The following HIVEP3 variants were observed in gnomAD, a reference collection of about 807,000 sequenced individuals.
HIVEP3 encodes HIVEP zinc finger 3.
HIVEP3 carries 49 observed loss-of-function variants against 152.8 expected under a neutral mutation model. The observed-to-expected ratio is 0.32, with a 90% CI of 0.26 to 0.41. The LOEUF (loss-of-function observed/expected upper bound fraction) is 0.41. Among genes scored for constraint, HIVEP3 ranks in the 10% least tolerant of loss-of-function variants. The pLI, the probability that HIVEP3 is intolerant of heterozygous loss-of-function variation, is 1.00. For synonymous variants in HIVEP3, 1,269 were observed against 1,289.0 expected (o/e 0.98, Z 0.33); for missense variants, 2,790 against 3,103.3 (o/e 0.90, Z 2.40).
intron 1 of HIVEP3, among the ~76,000 whole-genome samples, chr1:41,868,714 C>T (rs1644027190): frequency 6.6e-6 from 1 of 152,210 alleles, no homozygotes; most frequent in Non-Finnish European, 1.5e-5. Context: ...CATGGGCTTG[C>T]TCAGCAGAGG....
chr1:41,933,882 C>T (rs750478295), intron 1 of HIVEP3, among the ~76,000 whole-genome samples: 111 of 152,046 alleles, frequency 7.3e-4, no homozygotes, highest in Non-Finnish European at 3.8e-4. Flanking sequence ...TGATCCCATC[C>T]CTCCCCTGCT....
At chr1:41,635,787 T>C (rs1378631148) in intron 2 of HIVEP3, among the ~76,000 whole-genome samples, 1 of 151,538 alleles carries the variant, frequency 6.6e-6, no homozygotes, top group Non-Finnish European at 1.5e-5. Flanking sequence ...GATGTAAACA[T>C]ATACGTGAAC....
At chr1:41,548,949 G>A (rs2149079563) in intron 5 of HIVEP3, among the ~76,000 whole-genome samples, 1 of 152,166 alleles carries the variant, frequency 6.6e-6, no homozygotes, top group Non-Finnish European at 1.5e-5. Context: ...GTATACATGT[G>A]CCATGCTGGT....
chr1:41,680,847 A>G (rs1646027553), intron 2 of HIVEP3, among the ~76,000 whole-genome samples: 1 of 152,232 alleles, frequency 6.6e-6, no homozygotes, highest in Admixed American at 6.5e-5. Flanking sequence ...GGTATATGGC[A>G]TATAAATCAA....
intron 2 of HIVEP3, among the ~76,000 whole-genome samples, chr1:41,689,809 CCTTT>C (rs1306875982): frequency 6.6e-6 from 1 of 152,242 alleles, no homozygotes; most frequent in Non-Finnish European, 1.5e-5. Flanking sequence ...TTGAATGGGA[CCTTT>C]CTTAGTCTTT....
At chr1:41,656,015 C>T (rs1645623858) in intron 2 of HIVEP3, among the ~76,000 whole-genome samples, 1 of 152,144 alleles carries the variant, frequency 6.6e-6, no homozygotes, top group African/African-American at 2.4e-5. Flanking sequence ...CCCTTTGGGT[C>T]TTCTTTAAGA....
chr1:41,991,958 CTA>C (rs1473082689), intron 1 of HIVEP3, among the ~76,000 whole-genome samples: 1 of 146,114 alleles, frequency 6.8e-6, no homozygotes, highest in Non-Finnish European at 1.5e-5. Flanking sequence ...ACCCTTCATG[CTA>C]AAAACTCTCA....
chr1:42,003,857 G>T (rs1044936236), intron 1 of HIVEP3, among the ~76,000 whole-genome samples: 4 of 151,866 alleles, frequency 2.6e-5, no homozygotes, highest in Non-Finnish European at 5.9e-5. Context: ...ACATGCCTCT[G>T]GGGGAGACAT....
At chr1:41,949,189 GC>G (rs1331724891) in intron 1 of HIVEP3, among the ~76,000 whole-genome samples, 1 of 152,070 alleles carries the variant, frequency 6.6e-6, no homozygotes, top group Non-Finnish European at 1.5e-5. Flanking sequence ...CATTCTTAGT[GC>G]CCCCTATGAC....
chr1:41,706,046 G>T (rs1164553185), intron 1 of HIVEP3, among the ~76,000 whole-genome samples: 1 of 152,170 alleles, frequency 6.6e-6, no homozygotes, highest in Non-Finnish European at 1.5e-5. Flanking sequence ...GAAAACTAGG[G>T]TACAGCTATA....
chr1:41,657,231 G>A (rs537897433), intron 2 of HIVEP3, among the ~76,000 whole-genome samples: 13 of 152,208 alleles, frequency 8.5e-5, no homozygotes, highest in South Asian at 4.1e-4. Context: ...CCCACACGGT[G>A]GCCTCAGGAG....
intron 1 of HIVEP3, among the ~76,000 whole-genome samples, chr1:41,840,088 G>A (rs1570644108): frequency 6.6e-6 from 1 of 152,090 alleles, no homozygotes; most frequent in South Asian, 2.1e-4. Flanking sequence ...CCTGAGCCTG[G>A]CTCTCGTCGC....
At chr1:41,947,742 C>A (rs553517623) in intron 1 of HIVEP3, among the ~76,000 whole-genome samples, 22 of 152,334 alleles carry the variant, frequency 1.4e-4, no homozygotes, top group Admixed American at 1.2e-3. Context: ...GAGCTTGCAA[C>A]CCATGGCATA....
At chr1:41,803,399 C>T (rs1039388456) in intron 1 of HIVEP3, among the ~76,000 whole-genome samples, 3 of 152,214 alleles carry the variant, frequency 2.0e-5, no homozygotes, top group South Asian at 4.1e-4. Flanking sequence ...CAAGGCCCCA[C>T]CTTCTCAGTC....
intron 1 of HIVEP3, among the ~76,000 whole-genome samples, chr1:41,945,892 G>A (rs1043668434): frequency 6.6e-6 from 1 of 152,150 alleles, no homozygotes; most frequent in Non-Finnish European, 1.5e-5. Flanking sequence ...TTATCACTCA[G>A]TCAGCTGCAG....
rs544347118 is a variant in HIVEP3 at position 41,511,785 on chromosome 1, AAC to A, written c.6406-521_6406-520del. ...AGGAGTGACAGGGCTGGGTCATGGC[AAC>A]ACGGGGACAGAGAAGGTGTCGGAAG... On this transcript the variant is annotated intron_variant, in intron 8 of 8. Transcript: ENST00000372583. The surrounding 1 kb of genome is among the most constrained non-coding windows in gnomAD (Gnocchi z 4.9). 3.3e-3 allele frequency among the ~76,000 whole-genome samples: 503 copies of A among 152,296 alleles called. 4 individuals carry two copies. The highest frequency in any genetic ancestry group is 0.011 in the African/African-American group (477 of 41,564).
chr1:41,646,551 TG>T (rs1265810348), intron 2 of HIVEP3, among the ~76,000 whole-genome samples: 1 of 152,138 alleles, frequency 6.6e-6, no homozygotes, highest in Non-Finnish European at 1.5e-5. Flanking sequence ...CAGGAGACCA[TG>T]TTCAAGGGTC....
chr1:41,714,354 A>T (rs892493033), intron 1 of HIVEP3, among the ~76,000 whole-genome samples: 1 of 152,158 alleles, frequency 6.6e-6, no homozygotes, highest in African/African-American at 2.4e-5. Context: ...GCATTTATTG[A>T]GTGTTTCCCA....
rs529884212 is a variant in HIVEP3, at chr1:42,001,932, C to G, written n.119+33875G>C. Among the ~76,000 whole-genome samples, 5 of 152,062 alleles carry G rather than the reference C, an allele frequency of 3.3e-5. No homozygotes were observed. The South Asian group carries it at 1.0e-3, about 32-fold the overall frequency. ...CCGGGCCTGGCAGGGGACACCCAAG[C>G]CCCCATTCCAGCATATGTCCTGCAC... On this transcript the variant is annotated intron_variant and non_coding_transcript_variant, in intron 1 of 3. Coordinates refer to the HIVEP3 transcript ENST00000489103.
Sources: gnomAD v4.1 joint callset for allele counts (sites outside exome capture counted in the v4.1 genomes callset) on GRCh38, gnomAD v4.1.1 for gene constraint, Gnocchi (gnomAD v3.1) non-coding constraint, MANE v1.5 for transcripts, NCBI Gene and HGNC (gene_info 2026-07-23, HGNC 2026-07-21) for gene names.